The following ASCC3 variants were observed in gnomAD, a reference collection of about 807,000 sequenced individuals.
ASCC3 encodes the protein activating signal cointegrator 1 complex subunit 3, also known as ASC-1 complex subunit P200.
A neutral mutation model predicts 256.3 loss-of-function variants in ASCC3; 158 were observed. The ratio of observed to expected loss-of-function variants is 0.62; its 90% confidence interval spans 0.54 to 0.70. ASCC3 has a LOEUF of 0.70. Among genes scored for constraint, ASCC3 ranks in the 30% least tolerant of loss-of-function variants. The probability of loss-of-function intolerance (pLI) is 0.00; values close to 1 mark genes in which losing one functional copy is unlikely to be tolerated. For synonymous variants in ASCC3, 948 were observed against 883.4 expected (o/e 1.07, Z -1.30); for missense variants, 2,259 against 2,626.0 (o/e 0.86, Z 3.05).
At chr6:100,700,224 C>T (rs2114997464) in intron 13 of ASCC3, among the ~76,000 whole-genome samples, 1 of 152,242 alleles carries the variant, frequency 6.6e-6, no homozygotes, top group Middle Eastern at 3.4e-3. Context: ...GACTTGGTGC[C>T]TTCCATCCCA....
At chr6:100,585,712 T>C (rs1186119225) in intron 36 of ASCC3, among the ~76,000 whole-genome samples, 2 of 152,218 alleles carry the variant, frequency 1.3e-5, no homozygotes. Context: ...TTTGTGGTTT[T>C]ATCTACTTTT....
rs1403253762 is a variant in ASCC3 at position 100,688,036 on chromosome 6, C to A, written c.2152-8284G>T. 5.3e-5 allele frequency among the ~76,000 whole-genome samples: 8 copies of A among 150,090 alleles called. No homozygotes were observed. In the East Asian group the frequency reaches 1.2e-3, roughly 22 times the overall value. Reference sequence around the variant, plus strand: ...AAACCTGATACTACTAAAAGAAATACCTGAAAAATTATTTTTAAGTTAGAG... The same window carrying A: ...AAACCTGATACTACTAAAAGAAATAACTGAAAAATTATTTTTAAGTTAGAG... On this transcript the variant is annotated intron_variant, in intron 13 of 41. Coordinates refer to ENST00000369162, the MANE Select transcript of ASCC3 (RefSeq NM_006828.4).
intron 4 of ASCC3, among the ~76,000 whole-genome samples, chr6:100,824,860 A>G (rs1402650223): frequency 6.6e-6 from 1 of 152,180 alleles, no homozygotes; most frequent in East Asian, 1.9e-4. Flanking sequence ...CCATAAATAC[A>G]TTACATGAAA....
intron 25 of ASCC3, among the ~76,000 whole-genome samples, chr6:100,636,439 C>T (rs906832249): frequency 2.0e-5 from 3 of 152,172 alleles, no homozygotes; most frequent in African/African-American, 7.2e-5. Context: ...CCATCTCTTT[C>T]CTTCTCCTCA....
chr6:100,623,782 A>G (rs1774086403), intron 30 of ASCC3, among the ~76,000 whole-genome samples: 1 of 152,170 alleles, frequency 6.6e-6, no homozygotes, highest in Non-Finnish European at 1.5e-5. Context: ...AGGAGGAGGA[A>G]TATCTATATT....
chr6:100,554,727 T>A (rs934764545), intron 36 of ASCC3, among the ~76,000 whole-genome samples: 3 of 152,158 alleles, frequency 2.0e-5, no homozygotes, highest in African/African-American at 7.2e-5. Flanking sequence ...ATTTCTGAAG[T>A]ATTAAATTAA....
In ASCC3 at chr6:100,767,202, G is replaced by C; in HGVS notation, c.1539C>G (p.Val513=). The change falls in exon 9 of 42, where the codon GTC becomes GTG. Residue 513 remains valine, a synonymous_variant. Coordinates refer to ENST00000369162, the MANE Select transcript of ASCC3 (RefSeq NM_006828.4). ...AGKTNIAMLT[V]LHEIRQHFQQ... The stretch of plus-strand genomic sequence containing the variant: ...GAAAATGTTGGCGAATTTCATGCAA[G>C]ACTGTCAGCATTGCAATGTTGGTTT... The C allele has an allele frequency of 6.2e-7, 1 of 1,614,052 alleles. No individual in the cohort carries two copies. The highest frequency in any genetic ancestry group is 2.2e-5 in the East Asian group (1 of 44,864).
intron 36 of ASCC3, among the ~76,000 whole-genome samples, chr6:100,580,135 G>T (rs1771133593): frequency 6.6e-6 from 1 of 152,094 alleles, no homozygotes; most frequent in Admixed American, 6.6e-5. Context: ...CTTGAATGTT[G>T]TTGGTGTACA....
intron 4 of ASCC3, among the ~76,000 whole-genome samples, chr6:100,815,835 C>T (rs1770717440): frequency 6.6e-6 from 1 of 152,042 alleles, no homozygotes. Flanking sequence ...ACAACCTAGA[C>T]AATACTATTC....
chr6:100,580,453 G>C (rs1237385471), intron 36 of ASCC3, among the ~76,000 whole-genome samples: 2 of 151,700 alleles, frequency 1.3e-5, no homozygotes, highest in Non-Finnish European at 2.9e-5. Flanking sequence ...GAAATGTTTG[G>C]TAAAAGTGAA....
intron 10 of ASCC3, 35 bp downstream of exon 10, chr6:100,766,530 T>G: frequency 6.2e-7 from 1 of 1,602,120 alleles, no homozygotes; most frequent in South Asian, 1.1e-5. Context: ...AAAAAAAGAA[T>G]GGTATTAAAC....
chr6:100,873,262 T>G (rs570183579), intron 1 of ASCC3, among the ~76,000 whole-genome samples: 1 of 152,168 alleles, frequency 6.6e-6, no homozygotes, highest in African/African-American at 2.4e-5. Flanking sequence ...GCAATAAAAT[T>G]GAACAAGCAG....
intron 13 of ASCC3, among the ~76,000 whole-genome samples, chr6:100,697,065 T>A (rs1393351142): frequency 6.6e-6 from 1 of 152,092 alleles, no homozygotes; most frequent in Non-Finnish European, 1.5e-5. Context: ...TTAAAACACA[T>A]TTTATATAAC....
chr6:100,733,733 C>A (rs1780015865), intron 10 of ASCC3, among the ~76,000 whole-genome samples: 1 of 152,168 alleles, frequency 6.6e-6, no homozygotes, highest in Non-Finnish European at 1.5e-5. Flanking sequence ...CAGACAAAAT[C>A]CAAAAGTTCA....
intron 10 of ASCC3, among the ~76,000 whole-genome samples, chr6:100,752,246 G>A (rs1186752934): frequency 6.6e-6 from 1 of 151,824 alleles, no homozygotes; most frequent in Non-Finnish European, 1.5e-5. Context: ...TTATCTTGCT[G>A]GTTTGTGTTT....
chr6:100,770,216 T>G (rs546307311), intron 8 of ASCC3, among the ~76,000 whole-genome samples: 4 of 152,074 alleles, frequency 2.6e-5, no homozygotes, highest in African/African-American at 9.6e-5. Context: ...AACTACATGA[T>G]CATCTTAATA....
chr6:100,812,305 T>G (rs1211257679), intron 4 of ASCC3, among the ~76,000 whole-genome samples: 1 of 151,952 alleles, frequency 6.6e-6, no homozygotes, highest in Admixed American at 6.6e-5. Context: ...ATCCATATAC[T>G]AGAGGGAAAA....
At chr6:100,825,193 G>C (rs374250297) in intron 4 of ASCC3, among the ~76,000 whole-genome samples, 2 of 152,034 alleles carry the variant, frequency 1.3e-5, no homozygotes, top group African/African-American at 4.8e-5. Context: ...CCTGTGGGCC[G>C]CATGTGGCCT....
At chr6:100,743,144 G>A (rs1448238652) in intron 10 of ASCC3, among the ~76,000 whole-genome samples, 1 of 152,146 alleles carries the variant, frequency 6.6e-6, no homozygotes, top group African/African-American at 2.4e-5. Context: ...CCCAGGTGGG[G>A]TCACACAATA....
Sources: gnomAD v4.1 joint callset for allele counts (sites outside exome capture counted in the v4.1 genomes callset) on GRCh38, gnomAD v4.1.1 for gene constraint, MANE v1.5 for transcripts, NCBI Gene and HGNC (gene_info 2026-07-23, HGNC 2026-07-21) for gene names.